The following PHACTR1 variants were observed in gnomAD, a reference collection of about 807,000 sequenced individuals.
PHACTR1 encodes RPEL repeat containing 1.
Under a neutral mutation model 69.2 loss-of-function variants are expected in PHACTR1, and 16 were observed. The ratio of observed to expected loss-of-function variants is 0.23; its 90% confidence interval spans 0.16 to 0.35. The LOEUF (loss-of-function observed/expected upper bound fraction) is 0.35, where lower values mean the gene tolerates loss of function less well. Among genes scored for constraint, PHACTR1 ranks in the 10% least tolerant of loss-of-function variants. The pLI, the probability that PHACTR1 is intolerant of heterozygous loss-of-function variation, is 1.00. For missense variants in PHACTR1, 510 were observed against 734.7 expected, an observed-to-expected ratio of 0.69 and a Z score of 3.54; for synonymous variants, 312 against 284.5, an observed-to-expected ratio of 1.10 and a Z score of -0.97.
intron 4 of PHACTR1, among the ~76,000 whole-genome samples, chr6:12,846,677 T>C (rs1327660011): frequency 6.6e-6 from 1 of 152,164 alleles, no homozygotes; most frequent in Non-Finnish European, 1.5e-5. Flanking sequence ...ATTTTGGAAA[T>C]ATAGGAATGT....
chr6:13,279,768 C>T (rs1315499655), intron 12 of PHACTR1: 2 of 152,206 alleles, frequency 1.3e-5, no homozygotes, highest in Non-Finnish European at 2.9e-5. Context: ...ATCCTTAAGC[C>T]CACCCACTCT....
At chr6:13,119,835 C>T (rs1818429180) in intron 5 of PHACTR1, among the ~76,000 whole-genome samples, 1 of 152,214 alleles carries the variant, frequency 6.6e-6, no homozygotes, top group African/African-American at 2.4e-5. Flanking sequence ...CCCAGTTACC[C>T]TTCCCTGTGT....
At chr6:12,738,188 C>G (rs1179538525) in intron 3 of PHACTR1, among the ~76,000 whole-genome samples, 1 of 152,092 alleles carries the variant, frequency 6.6e-6, no homozygotes, top group Non-Finnish European at 1.5e-5. Context: ...ATATAGTTTC[C>G]TTTCCCTTTA....
intron 4 of PHACTR1, among the ~76,000 whole-genome samples, chr6:12,920,391 C>A (rs778724330): frequency 1.3e-5 from 2 of 152,218 alleles, no homozygotes; most frequent in African/African-American, 2.4e-5. Flanking sequence ...CTGCTTCTTT[C>A]TTCCCCAGTG....
At chr6:13,199,207 G>T (rs1048237734) in intron 7 of PHACTR1, among the ~76,000 whole-genome samples, 2 of 151,992 alleles carry the variant, frequency 1.3e-5, no homozygotes, top group Non-Finnish European at 2.9e-5. Context: ...CCAGCATGGT[G>T]AAACCCCATC....
At chr6:13,058,473 T>A (rs1184438733) in intron 5 of PHACTR1, among the ~76,000 whole-genome samples, 1 of 152,196 alleles carries the variant, frequency 6.6e-6, no homozygotes, top group Non-Finnish European at 1.5e-5. Flanking sequence ...GTCCACCACA[T>A]GCCGGAATGT....
chr6:12,810,505 G>C (rs1015722455), intron 4 of PHACTR1, among the ~76,000 whole-genome samples: 24 of 152,160 alleles, frequency 1.6e-4, no homozygotes, highest in African/African-American at 5.3e-4. Flanking sequence ...CAGTGGATGG[G>C]GTTTCTGGTA....
intron 7 of PHACTR1, among the ~76,000 whole-genome samples, chr6:13,186,000 C>A (rs1397433955): frequency 6.6e-6 from 1 of 152,172 alleles, no homozygotes; most frequent in African/African-American, 2.4e-5. Flanking sequence ...GTTTCCAGAG[C>A]AGGCTGTCTT....
chr6:12,882,857 G>T (rs903893765), intron 4 of PHACTR1, among the ~76,000 whole-genome samples: 1 of 152,148 alleles, frequency 6.6e-6, no homozygotes, highest in Non-Finnish European at 1.5e-5. Flanking sequence ...AGTGTGAGCT[G>T]GTGTAGTAAT....
rs1378872335 is a variant in PHACTR1, at chr6:13,222,998, T to C, written c.987-4818T>C. On this transcript the variant is annotated intron_variant, in intron 8 of 14. Transcript: ENST00000332995. Reference sequence around the variant, plus strand: ...TTTTATTGAATATTGTATGTACTTATGCATATATCAATATTGAAAATATAT... The same window carrying C: ...TTTTATTGAATATTGTATGTACTTACGCATATATCAATATTGAAAATATAT... Among the ~76,000 whole-genome samples, 5 of 152,332 alleles carry C rather than the reference T, an allele frequency of 3.3e-5. No individual in the cohort carries two copies. The East Asian group carries it at 7.7e-4, about 23-fold the overall frequency.
intron 4 of PHACTR1, among the ~76,000 whole-genome samples, chr6:12,896,966 G>A (rs1314172615): frequency 2.0e-5 from 3 of 152,204 alleles, no homozygotes; most frequent in Non-Finnish European, 4.4e-5. Flanking sequence ...TAAGCTCCCA[G>A]TATGCCTTCT....
intron 4 of PHACTR1, among the ~76,000 whole-genome samples, chr6:12,845,853 A>G (rs1779206806): frequency 6.6e-6 from 1 of 152,194 alleles, no homozygotes. Flanking sequence ...TTCTTTGTTT[A>G]AAATAGCTCC....
chr6:12,848,638 T>A (rs1411527497), intron 4 of PHACTR1, among the ~76,000 whole-genome samples: 4 of 152,306 alleles, frequency 2.6e-5, no homozygotes, highest in Admixed American at 1.3e-4. Context: ...TTCTTCCACA[T>A]CCTGATAAAC....
At chr6:13,154,090 T>A (rs1050156968) in intron 5 of PHACTR1, among the ~76,000 whole-genome samples, 1 of 152,228 alleles carries the variant, frequency 6.6e-6, no homozygotes, top group African/African-American at 2.4e-5. Context: ...CAATCCAGTT[T>A]TATAACCAAA....
chr6:12,977,686 T>C (rs1336973478), intron 4 of PHACTR1, among the ~76,000 whole-genome samples: 1 of 152,172 alleles, frequency 6.6e-6, no homozygotes, highest in African/African-American at 2.4e-5. Flanking sequence ...AAAGGTGATG[T>C]TTTCATGGAA....
At chr6:13,066,356 G>T (rs1808627672) in intron 5 of PHACTR1, among the ~76,000 whole-genome samples, 1 of 152,154 alleles carries the variant, frequency 6.6e-6, no homozygotes, top group Non-Finnish European at 1.5e-5. Flanking sequence ...ATATTTTTAA[G>T]CTTCTCTGTT....
chr6:12,729,411 G>A (rs553670553), intron 3 of PHACTR1, among the ~76,000 whole-genome samples: 5 of 152,224 alleles, frequency 3.3e-5, no homozygotes, highest in Non-Finnish European at 5.9e-5. Flanking sequence ...TGCATTTGAG[G>A]GAGGATAAAA....
chr6:13,038,035 A>G (rs1803576735), intron 4 of PHACTR1, among the ~76,000 whole-genome samples: 1 of 152,236 alleles, frequency 6.6e-6, no homozygotes, highest in Non-Finnish European at 1.5e-5. Context: ...CACTTTAGAT[A>G]AAGTGAAGAT....
intron 10 of PHACTR1, among the ~76,000 whole-genome samples, chr6:13,265,261 G>A (rs1276366182): frequency 6.6e-6 from 1 of 152,050 alleles, no homozygotes; most frequent in Non-Finnish European, 1.5e-5. Context: ...AAACCCAGTG[G>A]GCATTTTTTT....
Sources: allele counts gnomAD v4.1 joint callset (sites outside exome capture counted in the v4.1 genomes callset), GRCh38; gene constraint gnomAD v4.1.1; transcripts MANE v1.5; gene names NCBI Gene and HGNC (gene_info 2026-07-23, HGNC 2026-07-21).